The following GABBR2 variants were observed in gnomAD, a reference collection of about 807,000 sequenced individuals.
The protein encoded by GABBR2 is G-protein coupled receptor 51.
In GABBR2, 23 loss-of-function variants were observed where a neutral mutation model predicts 105.6. The observed-to-expected ratio is 0.22, with a 90% CI of 0.16 to 0.31. The LOEUF (loss-of-function observed/expected upper bound fraction) is 0.31, where lower values mean the gene tolerates loss of function less well. GABBR2 is among the 10% of genes least tolerant of loss of function. GABBR2 has a pLI of 1.00. For missense variants in GABBR2, 734 were observed against 1,245.5 expected, an observed-to-expected ratio of 0.59 and a Z score of 6.18; for synonymous variants, 478 against 499.7, an observed-to-expected ratio of 0.96 and a Z score of 0.58.
chr9:98,528,677 GAGAAAC>G (rs758787597), intron 3 of GABBR2, among the ~76,000 whole-genome samples: 3 of 152,000 alleles, frequency 2.0e-5, no homozygotes, highest in Non-Finnish European at 4.4e-5. Context: ...TTTACAAAAG[GAGAAAC>G]AGAAATGAGA....
chr9:98,365,892 T>C (rs1423787947), intron 12 of GABBR2, among the ~76,000 whole-genome samples: 1 of 152,220 alleles, frequency 6.6e-6, no homozygotes, highest in Non-Finnish European at 1.5e-5. Context: ...TCCCTATTCT[T>C]AGATTCTTTG....
chr9:98,678,439 A>G (rs1830501631), intron 1 of GABBR2, among the ~76,000 whole-genome samples: 1 of 152,222 alleles, frequency 6.6e-6, no homozygotes, highest in Admixed American at 6.5e-5. Context: ...GCTTCGCTGG[A>G]AAGCCTGCCC....
At chr9:98,346,258 C>T (rs1448107549) in intron 13 of GABBR2, among the ~76,000 whole-genome samples, 1 of 152,224 alleles carries the variant, frequency 6.6e-6, no homozygotes, top group African/African-American at 2.4e-5. Context: ...AAATTGGAAT[C>T]AATCCTCTCA....
chr9:98,675,615 G>T (rs941132485), intron 1 of GABBR2, among the ~76,000 whole-genome samples: 1 of 152,152 alleles, frequency 6.6e-6, no homozygotes, highest in East Asian at 1.9e-4. Flanking sequence ...CTATTCTGAA[G>T]GTGGGAGTGG....
chr9:98,450,261 C>T (rs765114655), intron 7 of GABBR2, among the ~76,000 whole-genome samples: 1 of 151,962 alleles, frequency 6.6e-6, no homozygotes. Flanking sequence ...CATTTATTTC[C>T]ACCTCCCATG....
chr9:98,660,512 T>G (rs989818339), intron 1 of GABBR2, among the ~76,000 whole-genome samples: 7 of 152,228 alleles, frequency 4.6e-5, no homozygotes, highest in African/African-American at 1.7e-4. Context: ...TGGCCAATTG[T>G]ATATATTCTT....
intron 7 of GABBR2, among the ~76,000 whole-genome samples, chr9:98,428,081 A>T (rs1230020511): frequency 6.6e-6 from 1 of 152,222 alleles, no homozygotes; most frequent in Admixed American, 6.5e-5. Flanking sequence ...CTTTGGGATC[A>T]TTTGTTACGA....
chr9:98,343,626 G>A (rs970252418), intron 13 of GABBR2, among the ~76,000 whole-genome samples: 4 of 152,156 alleles, frequency 2.6e-5, no homozygotes, highest in African/African-American at 4.8e-5. Flanking sequence ...TTGGGAGGCC[G>A]AGGCAGGCAG....
chr9:98,607,500 C>A (rs1225755359), intron 1 of GABBR2: 4 of 578,560 alleles, frequency 6.9e-6, no homozygotes, highest in South Asian at 2.4e-5. Context: ...ATATGAATTT[C>A]TAGAAACATA....
At position 98,438,096 on chromosome 9, in the gene GABBR2, CCA is replaced by C. The variant is rs1825960555; in HGVS notation, c.1236+15883_1236+15884del. On this transcript the variant is annotated intron_variant, in intron 7 of 18. Transcript: ENST00000259455. ...CCTGTCCACACATCTATCCATCCAT[CCA>C]TCCATCCATCCACCCATTTATCCAT... 2.0e-5 allele frequency among the ~76,000 whole-genome samples: 3 copies of C among 150,444 alleles called. No individual in the cohort carries two copies. In the South Asian group the frequency reaches 6.3e-4, roughly 32 times the overall value.
rs145853434 is a variant in GABBR2 at position 98,342,259 on chromosome 9, A to AG, written c.1893+20455dup. On this transcript the variant is annotated intron_variant, in intron 13 of 18. Transcript: ENST00000259455. Reference sequence around the variant, plus strand: ...TGAAGATGGCATATTGGGGGTGGAAAGGGGGTGTTCTGGGTAGAAGGTGCG... The same window carrying AG: ...TGAAGATGGCATATTGGGGGTGGAAAGGGGGGTGTTCTGGGTAGAAGGTGCG... Among the ~76,000 whole-genome samples, 1,156 of 152,102 alleles carry AG rather than the reference A, an allele frequency of 7.6e-3. 11 individuals are homozygous for AG. The highest frequency in any genetic ancestry group is 0.023 in the African/African-American group (974 of 41,472).
At chr9:98,309,101 A>G (rs577003094) in intron 14 of GABBR2, among the ~76,000 whole-genome samples, 1 of 152,278 alleles carries the variant, frequency 6.6e-6, no homozygotes, top group East Asian at 1.9e-4. Flanking sequence ...GTGGGATTTT[A>G]GTCATAAACC....
At chr9:98,422,128 C>T (rs192724225) in intron 7 of GABBR2, among the ~76,000 whole-genome samples, 24 of 151,406 alleles carry the variant, frequency 1.6e-4, no homozygotes, top group African/African-American at 5.8e-4. Context: ...ATAAAGACAG[C>T]AACCCCAACA....
At chr9:98,426,496 G>A (rs1825691284) in intron 7 of GABBR2, among the ~76,000 whole-genome samples, 1 of 152,208 alleles carries the variant, frequency 6.6e-6, no homozygotes, top group Admixed American at 6.5e-5. Flanking sequence ...AGTTTGATGA[G>A]TCACCAGTTG....
intron 1 of GABBR2, among the ~76,000 whole-genome samples, chr9:98,601,830 G>C (rs1829341886): frequency 6.6e-6 from 1 of 152,164 alleles, no homozygotes; most frequent in Admixed American, 6.5e-5. Context: ...TTTCAGGTGG[G>C]CACTGCCAGG....
At chr9:98,573,272 T>C (rs1055265834) in intron 2 of GABBR2, among the ~76,000 whole-genome samples, 5 of 152,154 alleles carry the variant, frequency 3.3e-5, no homozygotes, top group African/African-American at 1.2e-4. Context: ...ACAAATTATT[T>C]TTCACAACAC....
chr9:98,356,496 A>T (rs1043243742), intron 13 of GABBR2, among the ~76,000 whole-genome samples: 1 of 152,262 alleles, frequency 6.6e-6, no homozygotes, highest in African/African-American at 2.4e-5. Context: ...CTAAAATCCA[A>T]AACACTGACG....
chr9:98,517,362 G>C (rs1827778024), intron 3 of GABBR2, among the ~76,000 whole-genome samples: 1 of 152,066 alleles, frequency 6.6e-6, no homozygotes, highest in East Asian at 1.9e-4. Context: ...CCTGTATGCT[G>C]AGCCCCAAGA....
chr9:98,635,993 T>C (rs1277040352), intron 1 of GABBR2, among the ~76,000 whole-genome samples: 1 of 152,104 alleles, frequency 6.6e-6, no homozygotes, highest in Non-Finnish European at 1.5e-5. Context: ...TGCATCAAAG[T>C]GGAGCCTGGA....
Sources: gnomAD v4.1 joint callset for allele counts (sites outside exome capture counted in the v4.1 genomes callset) on GRCh38, gnomAD v4.1.1 for gene constraint, MANE v1.5 for transcripts, NCBI Gene and HGNC (gene_info 2026-07-23, HGNC 2026-07-21) for gene names.